Variants in KALRN observed in about 807,000 individuals in gnomAD.
KALRN encodes the protein kalirin RhoGEF kinase.
In KALRN, 70 loss-of-function variants were observed where a neutral mutation model predicts 353.7. The observed-to-expected ratio is 0.20, with a 90% CI of 0.16 to 0.24. The LOEUF is 0.24. Among genes scored for constraint, KALRN ranks in the 10% least tolerant of loss-of-function variants. KALRN has a pLI of 1.00. For synonymous variants in KALRN, 1,391 were observed against 1,434.8 expected (o/e 0.97, Z 0.69); for missense variants, 2,791 against 3,756.7 (o/e 0.74, Z 6.72).
Position 124,529,469 on chromosome 3 carries a change from C to T in KALRN, c.4935+33056C>T, listed in dbSNP as rs566155784. ...CTGATGCATGATCTGGTAGGCAAAA[C>T]TCAAATCCAGAATCGAGGGCCAGGG... On this transcript the variant is annotated intron_variant, in intron 33 of 59. Transcript: ENST00000682506. Among the ~76,000 whole-genome samples the T allele has an allele frequency of 2.0e-5, 3 of 152,218 alleles. No individual in the cohort carries two copies. In the South Asian group the frequency reaches 6.2e-4, roughly 32 times the overall value.
At chr3:124,475,476 G>C (rs2061351616) in intron 26 of KALRN, among the ~76,000 whole-genome samples, 1 of 152,180 alleles carries the variant, frequency 6.6e-6, no homozygotes, top group Non-Finnish European at 1.5e-5. Flanking sequence ...CTCCAGGGAA[G>C]TCCACTTAGG....
At chr3:124,179,771 G>A (rs527273783) in intron 1 of KALRN, among the ~76,000 whole-genome samples, 2 of 152,306 alleles carry the variant, frequency 1.3e-5, no homozygotes, top group South Asian at 2.1e-4. Context: ...TATATGGTCT[G>A]TCATTTACCA....
intron 10 of KALRN, among the ~76,000 whole-genome samples, chr3:124,354,711 C>G: frequency 6.6e-6 from 1 of 152,092 alleles, no homozygotes; most frequent in East Asian, 1.9e-4. Context: ...ACTTTTAACA[C>G]AAGAAGATAA....
intron 37 of KALRN, 108 bp downstream of exon 37, chr3:124,637,411 T>A: frequency 1.2e-6 from 1 of 820,712 alleles, no homozygotes; most frequent in Non-Finnish European, 2.1e-6. Flanking sequence ...ATTCTTCCTA[T>A]GTGATTGCAG....
At chr3:124,454,543 T>C (rs2059111386) in intron 21 of KALRN, among the ~76,000 whole-genome samples, 1 of 152,258 alleles carries the variant, frequency 6.6e-6, no homozygotes, top group Non-Finnish European at 1.5e-5. Context: ...GAGTTCTTAC[T>C]GTCTTCCACT....
At position 124,334,400 on chromosome 3, in the gene KALRN, C is replaced by G; in HGVS notation, c.1552C>G (p.His518Asp). ...QVLDVVHEVL[H>D]HQRRLESIWQ... ...GCTGGACGTGGTGCATGAGGTGTTA[C>G]ATCACCAGCGACGGCTGGAGAGCAT... Residue 518 changes from histidine (H) to aspartate (D), a missense_variant, in exon 9 of 60, where the codon CAT becomes GAT. By Grantham distance (81) the His-to-Asp change is moderately conservative (BLOSUM62 -1). Transcript: ENST00000682506. The surrounding 1 kb of genome is among the most constrained non-coding windows in gnomAD (Gnocchi z 4.2). 1 of 1,614,186 alleles carries G rather than the reference C, an allele frequency of 6.2e-7. No individual in the cohort carries two copies. The highest frequency in any genetic ancestry group is 8.5e-7 in the Non-Finnish European group (1 of 1,179,990).
At chr3:124,240,088 A>G (rs1048440300) in intron 3 of KALRN, among the ~76,000 whole-genome samples, 1 of 152,226 alleles carries the variant, frequency 6.6e-6, no homozygotes, top group African/African-American at 2.4e-5. Flanking sequence ...TTTTACACAC[A>G]TTTCCAGCAA....
chr3:124,596,382 G>A (rs938992923), intron 34 of KALRN, among the ~76,000 whole-genome samples: 7 of 152,152 alleles, frequency 4.6e-5, no homozygotes, highest in South Asian at 2.1e-4. Context: ...CAGGAGAATC[G>A]CTTGAACCCA....
intron 5 of KALRN, among the ~76,000 whole-genome samples, chr3:124,290,778 A>C (rs902092997): frequency 3.3e-5 from 5 of 152,242 alleles, no homozygotes; most frequent in African/African-American, 1.2e-4. Flanking sequence ...TGCTTAGTAC[A>C]GTACCTGTCA....
intron 33 of KALRN, among the ~76,000 whole-genome samples, chr3:124,515,437 A>G (rs1051315125): frequency 2.6e-5 from 4 of 152,212 alleles, no homozygotes; most frequent in Non-Finnish European, 5.9e-5. Context: ...CTTCTGGACA[A>G]TGTGTGCTGG....
intron 28 of KALRN, among the ~76,000 whole-genome samples, chr3:124,486,072 C>T (rs970110119): frequency 2.0e-5 from 3 of 152,214 alleles, no homozygotes; most frequent in East Asian, 3.9e-4. Flanking sequence ...TTAGGTATGG[C>T]GTGAAAGTAG....
intron 56 of KALRN, among the ~76,000 whole-genome samples, chr3:124,700,388 C>T (rs113413242): frequency 0.01 from 1,540 of 152,262 alleles, 21 homozygotes; most frequent in African/African-American, 0.034. Flanking sequence ...ATGTACCTCC[C>T]TGCATGAGGG....
chr3:124,265,298 C>CTTTTTTTTTGTTTTT (rs2073377564), intron 4 of KALRN, among the ~76,000 whole-genome samples: 1 of 73,124 alleles, frequency 1.4e-5, no homozygotes, highest in Non-Finnish European at 2.7e-5. Flanking sequence ...AGAAAATATT[C>CTTTTTTTTTGTTTTT]TTTTTTTTTT....
chr3:124,544,406 C>T (rs958269010), intron 33 of KALRN, among the ~76,000 whole-genome samples: 3 of 152,084 alleles, frequency 2.0e-5, no homozygotes, highest in Non-Finnish European at 4.4e-5. Flanking sequence ...ACTAAAAATA[C>T]AAAAATGAGT....
At chr3:124,550,521 G>T (rs2070350391) in intron 33 of KALRN, among the ~76,000 whole-genome samples, 1 of 152,120 alleles carries the variant, frequency 6.6e-6, no homozygotes, top group African/African-American at 2.4e-5. Context: ...AGGGCTGGTG[G>T]TTGCCCTAGC....
intron 1 of KALRN, among the ~76,000 whole-genome samples, chr3:124,037,546 CA>C (rs1206341929): frequency 6.6e-6 from 1 of 152,044 alleles, no homozygotes; most frequent in Admixed American, 6.6e-5. Flanking sequence ...AATGACACAT[CA>C]TGAAAAATGT....
intron 33 of KALRN, among the ~76,000 whole-genome samples, chr3:124,514,899 G>C (rs1188141625): frequency 6.6e-6 from 1 of 152,152 alleles, no homozygotes; most frequent in African/African-American, 2.4e-5. Context: ...ATCACTCACT[G>C]TCTTCTGTGC....
intron 10 of KALRN, among the ~76,000 whole-genome samples, chr3:124,379,486 C>T (rs2087029050): frequency 2.0e-5 from 3 of 152,034 alleles, no homozygotes; most frequent in Admixed American, 1.3e-4. Context: ...TATTCTTAAG[C>T]TTTATTCTGA....
At chr3:124,628,355 C>G (rs1304029667) in intron 34 of KALRN, among the ~76,000 whole-genome samples, 1 of 18,526 alleles carries the variant, frequency 5.4e-5, no homozygotes, top group African/African-American at 1.9e-4. Context: ...TTCCCTCCCT[C>G]CCTTCTTCTT....
Sources: gnomAD v4.1 joint callset for allele counts (sites outside exome capture counted in the v4.1 genomes callset) on GRCh38, gnomAD v4.1.1 for gene constraint, Gnocchi (gnomAD v3.1) non-coding constraint, MANE v1.5 for transcripts, NCBI Gene and HGNC (gene_info 2026-07-23, HGNC 2026-07-21) for gene names.